The following MYO3B variants were observed in gnomAD, a reference collection of about 807,000 sequenced individuals.
MYO3B encodes myosin IIIB, also known as myosin-IIIb.
A neutral mutation model predicts 174.6 loss-of-function variants in MYO3B; 156 were observed. The observed-to-expected ratio is 0.89, with a 90% CI of 0.78 to 1.02. The LOEUF is 1.02. Ranked by LOEUF, MYO3B falls within the 50% of genes least tolerant of loss-of-function variation. MYO3B has a pLI of 0.00. For synonymous variants in MYO3B, 563 were observed against 569.1 expected (o/e 0.99, Z 0.15); for missense variants, 1,632 against 1,639.4 (o/e 1.00, Z 0.08).
intron 7 of MYO3B, among the ~76,000 whole-genome samples, chr2:170,293,452 G>A (rs958685013): frequency 3.9e-5 from 6 of 152,250 alleles, no homozygotes; most frequent in African/African-American, 1.4e-4. Flanking sequence ...CCCACTTTAA[G>A]AGAATGCTTC....
Position 170,499,780 on chromosome 2 carries a change from A to G in MYO3B, c.3261A>G (p.Arg1087=). The stretch of plus-strand genomic sequence containing the variant: ...GATACAAAAGGGTCAGAGAGAAGAG[A>G]GAGAAGGGAGCCATTGCCATCCAGT... The part of the protein sequence containing the change: ...ARRYKRVREK[R]EKGAIAIQSA... Residue 1087 remains arginine, a synonymous_variant, in exon 27 of 35, where the codon AGA becomes AGG. Coordinates refer to ENST00000408978, the MANE Select transcript of MYO3B (RefSeq NM_138995.5). 2 of 1,614,014 alleles carry G rather than the reference A, an allele frequency of 1.2e-6. No individual in the cohort carries two copies. Among genetic ancestry groups the G allele is most frequent in the Non-Finnish European group, 1.7e-6 (2 of 1,179,920 alleles).
At chr2:170,408,276 G>A (rs2094524088) in intron 22 of MYO3B, among the ~76,000 whole-genome samples, 1 of 152,166 alleles carries the variant, frequency 6.6e-6, no homozygotes, top group African/African-American at 2.4e-5. Context: ...GATCCTCAAA[G>A]ATCACCTTGG....
Position 170,335,375 on chromosome 2 carries a change from A to AT in MYO3B, c.750-4dup, listed in dbSNP as rs1388683701. The stretch of plus-strand genomic sequence containing the variant: ...TCTTTCTTAAGAAAAAATTGCTGTT[A>AT]TTTTTTCAGAAATCCTCCACCTACT... On this transcript the variant is annotated splice_polypyrimidine_tract_variant and intron_variant, in intron 7 of 34. Transcript: ENST00000408978. 2.5e-6 allele frequency: 4 copies of AT among 1,601,044 alleles called. No individual in the cohort carries two copies. The highest frequency in any genetic ancestry group is 3.4e-6 in the Non-Finnish European group (4 of 1,173,792).
intron 30 of MYO3B, among the ~76,000 whole-genome samples, chr2:170,522,709 T>C (rs1323386166): frequency 6.6e-6 from 1 of 152,208 alleles, no homozygotes; most frequent in Non-Finnish European, 1.5e-5. Flanking sequence ...AGAATCAGAC[T>C]TCTTATTGTT....
At chr2:170,267,406 A>T in intron 7 of MYO3B, among the ~76,000 whole-genome samples, 1 of 152,210 alleles carries the variant, frequency 6.6e-6, no homozygotes, top group East Asian at 1.9e-4. Context: ...TGGGAATATA[A>T]TCTAGTTTTG....
intron 7 of MYO3B, among the ~76,000 whole-genome samples, chr2:170,331,898 T>C (rs369770415): frequency 2.0e-5 from 3 of 152,310 alleles, no homozygotes; most frequent in East Asian, 3.9e-4. Context: ...CTCTCCTGCC[T>C]CTTCTTTTTT....
Position 170,543,924 on chromosome 2 carries a change from T to C in MYO3B, c.3669T>C (p.Ser1223=), listed in dbSNP as rs757679626. ...TTTCTGGGACTGATTTGCTGTCTTC[T>C]CGGATATGCCATCCTGCTCCAGATC... is the stretch of plus-strand genomic sequence containing the variant. ...HSVSGTDLLS[S]RICHPAPDQQ... is the part of the protein sequence containing the mutation. Residue 1223 remains serine, a synonymous_variant, in exon 32 of 35, where the codon TCT becomes TCC. Coordinates refer to ENST00000408978, the MANE Select transcript of MYO3B (RefSeq NM_138995.5). The C allele has an allele frequency of 9.3e-6, 15 of 1,613,386 alleles. No homozygotes were observed. Among genetic ancestry groups the C allele is most frequent in the African/African-American group, 1.3e-5 (1 of 75,032 alleles).
chr2:170,414,187 A>G (rs1288810823), intron 22 of MYO3B, among the ~76,000 whole-genome samples: 1 of 152,012 alleles, frequency 6.6e-6, no homozygotes, highest in Non-Finnish European at 1.5e-5. Context: ...TTGCAGATTC[A>G]TAGTAAGTCT....
chr2:170,275,525 G>C (rs1466017752), intron 7 of MYO3B, among the ~76,000 whole-genome samples: 1 of 152,062 alleles, frequency 6.6e-6, no homozygotes, highest in Admixed American at 6.6e-5. Flanking sequence ...TTATTTTTGA[G>C]AGATGAATCT....
chr2:170,457,296 A>T (rs1245483059), intron 23 of MYO3B, among the ~76,000 whole-genome samples: 1 of 152,190 alleles, frequency 6.6e-6, no homozygotes, highest in African/African-American at 2.4e-5. Context: ...GTTTACTTTA[A>T]CTTTTTTTTA....
At chr2:170,414,245 T>C (rs2094564198) in intron 22 of MYO3B, among the ~76,000 whole-genome samples, 1 of 152,032 alleles carries the variant, frequency 6.6e-6, no homozygotes, top group African/African-American at 2.4e-5. Flanking sequence ...TGGAGTGCAA[T>C]GGCGCGATCT....
intron 5 of MYO3B, among the ~76,000 whole-genome samples, chr2:170,216,606 T>C (rs377742160): frequency 7.1e-4 from 108 of 152,316 alleles, no homozygotes; most frequent in African/African-American, 2.5e-3. Flanking sequence ...CCCCAGATAA[T>C]GTTATTAGTC....
At chr2:170,586,489 A>G (rs1693506757) in intron 32 of MYO3B, among the ~76,000 whole-genome samples, 1 of 152,244 alleles carries the variant, frequency 6.6e-6, no homozygotes, top group African/African-American at 2.4e-5. Flanking sequence ...AATTTAGAAA[A>G]TATTTAGCAA....
intron 29 of MYO3B, among the ~76,000 whole-genome samples, chr2:170,518,212 C>CA (rs912567860): frequency 1.1e-4 from 17 of 151,886 alleles, no homozygotes; most frequent in Admixed American, 7.9e-4. Context: ...ACAGACAACA[C>CA]AAAAAAAACT....
At chr2:170,646,950 T>G (rs946508206) in intron 32 of MYO3B, 3 of 1,336,118 alleles carry the variant, frequency 2.2e-6, no homozygotes, top group Non-Finnish European at 3.0e-6. Context: ...GTATATATCT[T>G]TCAATTGTTT....
chr2:170,502,208 G>A (rs920203799), intron 28 of MYO3B, among the ~76,000 whole-genome samples: 114 of 152,148 alleles, frequency 7.5e-4, no homozygotes, highest in Non-Finnish European at 3.1e-4. Flanking sequence ...AACACAGGCC[G>A]TTTGGATAGA....
chr2:170,647,605 T>G (rs1698483556), intron 32 of MYO3B, among the ~76,000 whole-genome samples: 2 of 152,214 alleles, frequency 1.3e-5, no homozygotes, highest in African/African-American at 4.8e-5. Context: ...AATTAAAATC[T>G]GATGCTAAAT....
intron 24 of MYO3B, among the ~76,000 whole-genome samples, chr2:170,466,140 C>G (rs1684615948): frequency 6.6e-6 from 1 of 152,134 alleles, no homozygotes; most frequent in Non-Finnish European, 1.5e-5. Flanking sequence ...GCAAATAGCC[C>G]CTTCCTCAAA....
chr2:170,392,038 G>C (rs989375588), intron 15 of MYO3B, among the ~76,000 whole-genome samples: 1 of 150,018 alleles, frequency 6.7e-6, no homozygotes, highest in Non-Finnish European at 1.5e-5. Flanking sequence ...TGGGAGAACT[G>C]CTTGAACCTG....
Sources: allele counts gnomAD v4.1 joint callset (sites outside exome capture counted in the v4.1 genomes callset), GRCh38; gene constraint gnomAD v4.1.1; transcripts MANE v1.5; gene names NCBI Gene and HGNC (gene_info 2026-07-23, HGNC 2026-07-21).